Variants in KSR2 observed in about 807,000 individuals in gnomAD.
KSR2 encodes kinase suppressor of ras 2.
In KSR2, 25 loss-of-function variants were observed where a neutral mutation model predicts 107.8. The observed-to-expected ratio is 0.23, with a 90% CI of 0.17 to 0.32. KSR2 has a LOEUF of 0.32. KSR2 is among the 10% of genes least tolerant of loss of function. The probability of loss-of-function intolerance (pLI) is 1.00; values close to 1 mark genes in which losing one functional copy is unlikely to be tolerated. For missense variants in KSR2, 887 were observed against 1,268.9 expected, an observed-to-expected ratio of 0.70 and a Z score of 4.57; for synonymous variants, 480 against 507.0, an observed-to-expected ratio of 0.95 and a Z score of 0.71.
In KSR2 at chr12:117,958,507, G is replaced by A. The variant is rs372915405; in HGVS notation, c.180+9569C>T. Among the ~76,000 whole-genome samples, 12 of 152,272 alleles carry A rather than the reference G, an allele frequency of 7.9e-5. No homozygotes were observed. The East Asian group carries it at 2.1e-3, about 27-fold the overall frequency. On this transcript the variant is annotated intron_variant, in intron 1 of 19. Coordinates refer to ENST00000339824, the MANE Select transcript of KSR2 (RefSeq NM_173598.6). ...TGTAAAAGTATGAACATAAGCACCT[G>A]ACAATAGAATTTTGGTTAAAGAAAT...
chr12:117,817,750 A>G (rs1263275953), intron 3 of KSR2, among the ~76,000 whole-genome samples: 1 of 152,234 alleles, frequency 6.6e-6, no homozygotes, highest in African/African-American at 2.4e-5. Flanking sequence ...CAATGGATAA[A>G]GAGAGATTCC....
intron 4 of KSR2, among the ~76,000 whole-genome samples, chr12:117,669,515 T>G (rs1205975775): frequency 6.6e-6 from 1 of 151,822 alleles, no homozygotes; most frequent in Non-Finnish European, 1.5e-5. Flanking sequence ...GGACAATACC[T>G]AACAATATTT....
intron 4 of KSR2, among the ~76,000 whole-genome samples, chr12:117,688,272 T>C (rs1262021735): frequency 1.3e-5 from 2 of 152,014 alleles, no homozygotes; most frequent in African/African-American, 4.8e-5. Context: ...CCCAGCTACT[T>C]GGGAGGCTGA....
At chr12:117,860,455 G>C in intron 1 of KSR2, 24 bp from the exon 2 acceptor site, 1 of 1,585,196 alleles carries the variant, frequency 6.3e-7, no homozygotes, top group South Asian at 1.1e-5. Context: ...GACGAGGACA[G>C]AGGACACATC....
intron 2 of KSR2, among the ~76,000 whole-genome samples, chr12:117,856,652 T>G (rs1775217066): frequency 6.6e-6 from 1 of 152,066 alleles, no homozygotes; most frequent in African/African-American, 2.4e-5. Context: ...AATTTTTGTA[T>G]TTTTAGTAGA....
At chr12:117,754,266 G>A (rs604655) in intron 4 of KSR2, among the ~76,000 whole-genome samples, 135,804 of 152,050 alleles carry the variant, frequency 0.89, 60,919 homozygotes, top group African/African-American at 0.97. Context: ...CTGGGGACAG[G>A]AGGAAAACCC....
At chr12:117,479,518 C>T (rs1035156037) in intron 16 of KSR2, among the ~76,000 whole-genome samples, 1 of 152,172 alleles carries the variant, frequency 6.6e-6, no homozygotes, top group Non-Finnish European at 1.5e-5. Context: ...CATCCCTGGC[C>T]TCTACTCATT....
At chr12:117,518,581 G>A (rs1793915101) in intron 14 of KSR2, among the ~76,000 whole-genome samples, 1 of 152,214 alleles carries the variant, frequency 6.6e-6, no homozygotes, top group Admixed American at 6.5e-5. Context: ...TGCAAGAGGA[G>A]GTAGGATCTT....
rs116204843 is a variant in KSR2, at chr12:117,859,058, C to T, written c.321+1233G>A. Among the ~76,000 whole-genome samples the T allele has an allele frequency of 4.3e-3, 643 of 150,976 alleles. 8 individuals are homozygous for T. The highest frequency in any genetic ancestry group is 0.015 in the African/African-American group (616 of 41,116). ...AAGAACGTGGTCTAATCTTTGAGAG[C>T]GGACATAAGATGTCAGATGCTCACA... On this transcript the variant is annotated intron_variant, in intron 2 of 19. Transcript: ENST00000339824.
At position 117,463,249 on chromosome 12, in the gene KSR2, C is replaced by T. The variant is rs1014236059; in HGVS notation, c.*3950G>A. ...GAGTTCTCTACTTCCGGAGGCAGCCCGCTGCATCTTGGGGCAAGCTGGCCT... is the reference window on the plus strand; with the variant it reads ...GAGTTCTCTACTTCCGGAGGCAGCCTGCTGCATCTTGGGGCAAGCTGGCCT... On this transcript the variant is annotated 3_prime_UTR_variant, in exon 20 of 20. Coordinates refer to ENST00000339824, the MANE Select transcript of KSR2 (RefSeq NM_173598.6). The T allele has an allele frequency of 4.6e-5, 7 of 152,372 alleles. No homozygotes were observed. Among genetic ancestry groups the T allele is most frequent in the South Asian group, 2.1e-4 (1 of 4,824 alleles). The allele number at this position is 152,372 out of a possible 1,614,324, so 9.4% of individuals were successfully genotyped here.
intron 14 of KSR2, among the ~76,000 whole-genome samples, chr12:117,513,466 T>A (rs1233989898): frequency 1.3e-5 from 2 of 152,166 alleles, no homozygotes; most frequent in African/African-American, 4.8e-5. Flanking sequence ...GCAGACACAC[T>A]GATTTTACCC....
chr12:117,789,056 C>T (rs1448184578), intron 3 of KSR2, among the ~76,000 whole-genome samples: 3 of 152,198 alleles, frequency 2.0e-5, no homozygotes, highest in African/African-American at 7.2e-5. Flanking sequence ...TCAGGGGTTG[C>T]TGTTGCTGCT....
At chr12:117,901,788 C>A (rs895641924) in intron 1 of KSR2, among the ~76,000 whole-genome samples, 1 of 152,100 alleles carries the variant, frequency 6.6e-6, no homozygotes, top group African/African-American at 2.4e-5. Flanking sequence ...ATCACATATG[C>A]CGCTGGGTGG....
chr12:117,505,092 T>C (rs1017048527), intron 14 of KSR2, among the ~76,000 whole-genome samples: 42 of 152,228 alleles, frequency 2.8e-4, no homozygotes, highest in African/African-American at 4.8e-5. Context: ...TTAGTTCATT[T>C]TTATGGACGA....
intron 1 of KSR2, among the ~76,000 whole-genome samples, chr12:117,957,286 T>A (rs2137592324): frequency 6.6e-6 from 1 of 152,160 alleles, no homozygotes; most frequent in East Asian, 1.9e-4. Context: ...TCAATAAACC[T>A]GCCTGTAAAG....
intron 1 of KSR2, among the ~76,000 whole-genome samples, chr12:117,941,582 C>A (rs1397944834): frequency 7.3e-6 from 1 of 137,054 alleles, no homozygotes; most frequent in African/African-American, 2.7e-5. Context: ...CTACAGTTGT[C>A]ATTCCTGAAG....
intron 4 of KSR2, among the ~76,000 whole-genome samples, chr12:117,735,595 G>A (rs1278713274): frequency 6.6e-6 from 1 of 152,064 alleles, no homozygotes; most frequent in Non-Finnish European, 1.5e-5. Context: ...CTGTAATCAT[G>A]CATTTAAGAT....
chr12:117,921,317 A>C (rs1280215758), intron 1 of KSR2, among the ~76,000 whole-genome samples: 1 of 152,246 alleles, frequency 6.6e-6, no homozygotes. Context: ...CCATGGTGGC[A>C]TATATACTTA....
chr12:117,623,392 C>T (rs183675258), intron 5 of KSR2, among the ~76,000 whole-genome samples: 1 of 152,262 alleles, frequency 6.6e-6, no homozygotes, highest in Admixed American at 6.5e-5. Flanking sequence ...GCCCCGCACC[C>T]CGATAGGCCC....
Sources: allele counts gnomAD v4.1 joint callset (sites outside exome capture counted in the v4.1 genomes callset), GRCh38; gene constraint gnomAD v4.1.1; transcripts MANE v1.5; gene names NCBI Gene and HGNC (gene_info 2026-07-23, HGNC 2026-07-21).